The following FBXO28 variants were observed in gnomAD, a reference collection of about 807,000 sequenced individuals.
FBXO28 encodes the protein F-box only protein 28.
Under a neutral mutation model 38.1 loss-of-function variants are expected in FBXO28, and 8 were observed. The observed-to-expected ratio is 0.21, with a 90% CI of 0.12 to 0.38. The LOEUF (loss-of-function observed/expected upper bound fraction) is 0.38, where lower values mean the gene tolerates loss of function less well. Among genes scored for constraint, FBXO28 ranks in the 10% least tolerant of loss-of-function variants. The pLI is 1.00. For missense variants in FBXO28, 345 were observed against 460.6 expected, an observed-to-expected ratio of 0.75 and a Z score of 2.30; for synonymous variants, 168 against 173.8, an observed-to-expected ratio of 0.97 and a Z score of 0.26.
At position 224,159,857 on chromosome 1, in the gene FBXO28, A is replaced by G. The variant is rs1037069382; in HGVS notation, c.*2111A>G. ...GAATTTCTTTTTAAACTACATCTAG[A>G]TAGCCTAAACATCTATGTAGTCTTC... On this transcript the variant is annotated 3_prime_UTR_variant, in exon 5 of 5. Transcript: ENST00000366862. 11 of 152,220 alleles carry G rather than the reference A, an allele frequency of 7.2e-5. No homozygotes were observed. Among genetic ancestry groups the G allele is most frequent in the African/African-American group, 2.7e-4 (11 of 41,454 alleles). 9.4% of individuals were successfully genotyped at this position (152,220 alleles called of 1,614,324 possible). A position where few individuals can be genotyped will look rare whatever the true frequency, so the allele number is the denominator to read the frequency against.
chr1:224,117,510 C>A (rs1423578361), intron 1 of FBXO28, among the ~76,000 whole-genome samples: 2 of 152,044 alleles, frequency 1.3e-5, no homozygotes, highest in East Asian at 3.9e-4. Flanking sequence ...GGTGGTTTCA[C>A]AGAAATTACT....
intron 1 of FBXO28, among the ~76,000 whole-genome samples, chr1:224,126,926 TC>T (rs1272475524): frequency 6.6e-6 from 1 of 152,208 alleles, no homozygotes; most frequent in Non-Finnish European, 1.5e-5. Flanking sequence ...CGGCTGATTT[TC>T]TTCTATTTGA....
intron 4 of FBXO28, among the ~76,000 whole-genome samples, chr1:224,154,442 G>A (rs952683023): frequency 2.7e-5 from 4 of 150,664 alleles, no homozygotes; most frequent in Admixed American, 6.6e-5. Flanking sequence ...AGGCCGAGGC[G>A]GGCCGATCAC....
rs537189230 is a variant in FBXO28 at position 224,139,523 on chromosome 1, C to T, written c.516+5311C>T. ...CTTTGGGAGGCCAAGGCGGGCAGAT[C>T]ACAAGATCGAGAGATCGAGACCAGC... On this transcript the variant is annotated intron_variant, in intron 3 of 4. Transcript: ENST00000366862. Among the ~76,000 whole-genome samples the T allele has an allele frequency of 2.5e-4, 38 of 151,840 alleles. No homozygotes were observed. In the South Asian group the frequency reaches 7.5e-3, roughly 30 times the overall value.
chr1:224,129,079 A>T (rs1656974033), intron 1 of FBXO28, among the ~76,000 whole-genome samples: 1 of 152,064 alleles, frequency 6.6e-6, no homozygotes, highest in Non-Finnish European at 1.5e-5. Flanking sequence ...AGTGGCTCAC[A>T]CTTGTAATCC....
rs557799052 is a variant in FBXO28, at chr1:224,146,181, C to T, written c.517-6961C>T. Among the ~76,000 whole-genome samples, 56 of 151,722 alleles carry T rather than the reference C, an allele frequency of 3.7e-4. 1 individual carries two copies. The highest frequency in any genetic ancestry group is 1.3e-3 in the African/African-American group (54 of 41,372). On this transcript the variant is annotated intron_variant, in intron 3 of 4. Coordinates refer to ENST00000366862, the MANE Select transcript of FBXO28 (RefSeq NM_015176.4). ...CCTGGGAAGCGGAGGTTGCAGTGAG[C>T]CGGGATCACACCATCACACTCCAGC... is the stretch of plus-strand genomic sequence containing the variant.
At chr1:224,147,735 C>T (rs1657543339) in intron 3 of FBXO28, among the ~76,000 whole-genome samples, 1 of 151,134 alleles carries the variant, frequency 6.6e-6, no homozygotes, top group African/African-American at 2.4e-5. Flanking sequence ...GTAGAAACAG[C>T]CATTAAGAGT....
At chr1:224,148,895 C>G (rs939572904) in intron 3 of FBXO28, among the ~76,000 whole-genome samples, 1 of 152,150 alleles carries the variant, frequency 6.6e-6, no homozygotes, top group Non-Finnish European at 1.5e-5. Context: ...CCAGTTCTCT[C>G]AACTGGATCT....
At chr1:224,131,026 A>G (rs928365451) in intron 2 of FBXO28, 5 of 152,942 alleles carry the variant, frequency 3.3e-5, no homozygotes, top group African/African-American at 1.2e-4. Context: ...CAAAAAGAAT[A>G]GAATACTTAG....
At chr1:224,135,402 C>G (rs1312270160) in intron 3 of FBXO28, among the ~76,000 whole-genome samples, 1 of 151,844 alleles carries the variant, frequency 6.6e-6, no homozygotes, top group Non-Finnish European at 1.5e-5. Flanking sequence ...TGTTAAGTAA[C>G]AGAGTTGAAT....
At position 224,114,409 on chromosome 1, in the gene FBXO28, C is replaced by G; in HGVS notation, c.267+13C>G. 1 of 1,549,756 alleles carries G rather than the reference C, an allele frequency of 6.5e-7. No individual in the cohort carries two copies. The highest frequency in any genetic ancestry group is 8.7e-7 in the Non-Finnish European group (1 of 1,143,340). Reference sequence around the variant, plus strand: ...CCAGCTCCGCCTGGTGAGGCCCCCGCAGAACTCCTGCCTCCCTCTCCCCCC... The same window carrying G: ...CCAGCTCCGCCTGGTGAGGCCCCCGGAGAACTCCTGCCTCCCTCTCCCCCC... On this transcript the variant is annotated intron_variant, in intron 1 of 4. Coordinates refer to ENST00000366862, the MANE Select transcript of FBXO28 (RefSeq NM_015176.4).
intron 1 of FBXO28, among the ~76,000 whole-genome samples, chr1:224,121,506 A>C (rs10916327): frequency 0.93 from 140,910 of 152,082 alleles, 66,124 homozygotes; most frequent in Non-Finnish European, 1. Context: ...CTTAGGCAGT[A>C]GGTAGAAGAG....
chr1:224,157,425 C>G lies in FBXO28; in HGVS notation c.786C>G (p.Thr262=). The change falls in exon 5 of 5, where the codon ACC becomes ACG. Residue 262 remains threonine (T), a synonymous_variant. Transcript: ENST00000366862. ...AAAATCCTTCAAGACAAGAGGTTAC[C>G]AAACTCCAGCAGCAGGTTAAAACAA... ...SKQNPSRQEV[T]KLQQQVKTNG... 1 of 1,614,176 alleles carries G rather than the reference C, an allele frequency of 6.2e-7. No homozygotes were observed. Among genetic ancestry groups the G allele is most frequent in the Non-Finnish European group, 8.5e-7 (1 of 1,180,032 alleles).
At chr1:224,155,219 G>A (rs1164418867) in intron 4 of FBXO28, among the ~76,000 whole-genome samples, 1 of 151,846 alleles carries the variant, frequency 6.6e-6, no homozygotes, top group Non-Finnish European at 1.5e-5. Flanking sequence ...AGGCTGGAGT[G>A]CAATGGCGTG....
chr1:224,127,212 A>T (rs897342505), intron 1 of FBXO28, among the ~76,000 whole-genome samples: 2 of 140,752 alleles, frequency 1.4e-5, no homozygotes, highest in African/African-American at 5.4e-5. Flanking sequence ...GTGTGTGTTT[A>T]TGTTTGGCAC....
chr1:224,130,807 G>T, intron 2 of FBXO28: 2 of 417,234 alleles, frequency 4.8e-6, no homozygotes, highest in South Asian at 6.7e-5. Context: ...GAAATACAAG[G>T]CATCCAAATG....
intron 3 of FBXO28, among the ~76,000 whole-genome samples, chr1:224,141,057 CTG>C (rs1185166891): frequency 3.9e-5 from 6 of 152,096 alleles, no homozygotes; most frequent in Non-Finnish European, 8.8e-5. Flanking sequence ...TGGCAAACAC[CTG>C]TTGTCCCAGC....
In FBXO28 at chr1:224,159,749, C is replaced by T. The variant is rs148933112; in HGVS notation, c.*2003C>T. The T allele has an allele frequency of 2.0e-5, 3 of 152,100 alleles. No individual in the cohort carries two copies. Among genetic ancestry groups the T allele is most frequent in the African/African-American group, 7.2e-5 (3 of 41,514 alleles). 9.4% of individuals were successfully genotyped at this position (152,100 alleles called of 1,614,324 possible). Reference sequence around the variant, plus strand: ...ATCAAAGCATGTGTTTACAGATTTACAGAGTGTGATCCGTATGCATCAAAG... The same window carrying T: ...ATCAAAGCATGTGTTTACAGATTTATAGAGTGTGATCCGTATGCATCAAAG... On this transcript the variant is annotated 3_prime_UTR_variant, in exon 5 of 5. Coordinates refer to ENST00000366862, the MANE Select transcript of FBXO28 (RefSeq NM_015176.4).
intron 1 of FBXO28, among the ~76,000 whole-genome samples, chr1:224,117,795 G>A (rs1320196499): frequency 6.6e-6 from 1 of 151,494 alleles, no homozygotes; most frequent in African/African-American, 2.4e-5. Context: ...ATCACTTGAG[G>A]TCAGGAGTTC....
Sources: allele counts gnomAD v4.1 joint callset (sites outside exome capture counted in the v4.1 genomes callset), GRCh38; gene constraint gnomAD v4.1.1; transcripts MANE v1.5; gene names NCBI Gene and HGNC (gene_info 2026-07-23, HGNC 2026-07-21).